The following RASSF5 variants were observed in gnomAD, a reference collection of about 807,000 sequenced individuals.
The protein encoded by RASSF5 is ras association domain-containing protein 5.
Under a neutral mutation model 40.5 loss-of-function variants are expected in RASSF5, and 25 were observed. That is an observed-to-expected ratio of 0.62 (90% CI 0.45 to 0.86). The LOEUF (loss-of-function observed/expected upper bound fraction) is 0.86. RASSF5 is among the 40% of genes least tolerant of loss of function. RASSF5 has a pLI of 0.00. For synonymous variants in RASSF5, 246 were observed against 252.4 expected, an observed-to-expected ratio of 0.97 and a Z score of 0.24; for missense variants, 521 against 572.8, an observed-to-expected ratio of 0.91 and a Z score of 0.92.
At chr1:206,580,232 G>A (rs1558521789) in intron 2 of RASSF5, among the ~76,000 whole-genome samples, 2 of 152,210 alleles carry the variant, frequency 1.3e-5, no homozygotes. Context: ...GCTTCTCACT[G>A]TATTCAAAAT....
chr1:206,576,721 G>A (rs978916248), intron 2 of RASSF5, among the ~76,000 whole-genome samples: 1 of 152,172 alleles, frequency 6.6e-6, no homozygotes, highest in Admixed American at 6.5e-5. Context: ...GTGGAACTAG[G>A]GCTAATAGTG....
rs567520842 is a variant in RASSF5, at chr1:206,527,132, C to T, written c.458-11040C>T. Among the ~76,000 whole-genome samples, 11 of 152,284 alleles carry T rather than the reference C, an allele frequency of 7.2e-5. 1 individual carries two copies. Among genetic ancestry groups the T allele is most frequent in the East Asian group, 3.9e-4 (2 of 5,186 alleles). On this transcript the variant is annotated intron_variant, in intron 1 of 5. Coordinates refer to ENST00000579436, the MANE Select transcript of RASSF5 (RefSeq NM_182663.4). ...GACTCCAGAGTCCAGATTCATTGCACGCCCCAGCACCCGATTGAGTGTTCC... is the reference window on the plus strand; with the variant it reads ...GACTCCAGAGTCCAGATTCATTGCATGCCCCAGCACCCGATTGAGTGTTCC...
intron 2 of RASSF5, among the ~76,000 whole-genome samples, chr1:206,576,978 A>ATTT (rs36057143): frequency 9.6e-5 from 14 of 145,312 alleles, no homozygotes; most frequent in African/African-American, 3.0e-4. Flanking sequence ...TAATTTTTGT[A>ATTT]TTTTTTTTTT....
Position 206,579,593 on chromosome 1 carries a change from ATTG to A in RASSF5, c.580-3671_580-3669del, listed in dbSNP as rs1276384938. On this transcript the variant is annotated intron_variant, in intron 2 of 5. Transcript: ENST00000579436. The surrounding 1 kb of genome is among the most constrained non-coding windows in gnomAD (Gnocchi z 4.2). ...TGGATGAAGACCCTTGAGGTCTGGA[ATTG>A]TTGTGAGGGGTCTGTCTATTTCAGT... Among the ~76,000 whole-genome samples, 2 of 152,306 alleles carry A rather than the reference ATTG, an allele frequency of 1.3e-5. No homozygotes were observed. Among genetic ancestry groups the A allele is most frequent in the South Asian group, 2.1e-4 (1 of 4,824 alleles).
intron 2 of RASSF5, among the ~76,000 whole-genome samples, chr1:206,547,764 A>G (rs1462907954): frequency 6.6e-6 from 1 of 152,130 alleles, no homozygotes; most frequent in Admixed American, 6.5e-5. Context: ...GCCCCTTACA[A>G]TATTGTTACT....
Position 206,525,433 on chromosome 1 carries a change from G to A in RASSF5, c.458-12739G>A, listed in dbSNP as rs547623779. Among the ~76,000 whole-genome samples, 11 of 152,210 alleles carry A rather than the reference G, an allele frequency of 7.2e-5. No homozygotes were observed. The South Asian group carries it at 8.3e-4, about 11-fold the overall frequency. ...GAATTTTTCTTATTTTTTAGAGATA[G>A]GGTCTTACTCTGTCCCCCAGGCTGG... On this transcript the variant is annotated intron_variant, in intron 1 of 5. Coordinates refer to ENST00000579436, the MANE Select transcript of RASSF5 (RefSeq NM_182663.4).
intron 1 of RASSF5, among the ~76,000 whole-genome samples, chr1:206,524,106 T>C (rs1667020646): frequency 7.5e-6 from 1 of 132,820 alleles, no homozygotes; most frequent in Non-Finnish European, 1.5e-5. Context: ...CCATATATAA[T>C]ATATTTTATA....
At chr1:206,520,814 G>T (rs1553395997) in intron 1 of RASSF5, among the ~76,000 whole-genome samples, 1 of 152,134 alleles carries the variant, frequency 6.6e-6, no homozygotes, top group African/African-American at 2.4e-5. Context: ...ACCATGTTTG[G>T]TGCATAGAAA....
rs782762921 is a variant in RASSF5 at position 206,538,206 on chromosome 1, C to G, written c.492C>G (p.Ser164Arg). The change falls in exon 2 of 6, where the codon AGC becomes AGG. Residue 164 changes from serine (S) to arginine (R), a missense_variant. This residue lies in a region of RASSF5 where 284 missense variants were observed against 360.8 expected (regional missense o/e 0.79). Transcript: ENST00000579436. ...TCACCTGTCACCCAGAATGCCGCAG[C>G]CTGATCCAGTTGGACTGCAGTCAGC... ...CKFTCHPECR[S>R]LIQLDCSQQE... The G allele has an allele frequency of 1.2e-6, 2 of 1,614,100 alleles. No individual in the cohort carries two copies. Among genetic ancestry groups the G allele is most frequent in the African/African-American group, 1.3e-5 (1 of 74,934 alleles).
chr1:206,570,239 G>A (rs1320301167), intron 2 of RASSF5, among the ~76,000 whole-genome samples: 3 of 151,780 alleles, frequency 2.0e-5, no homozygotes, highest in Admixed American at 2.0e-4. Context: ...CTACAGGCAT[G>A]GACCACCACG....
In RASSF5 at chr1:206,560,631, C is replaced by A. The variant is rs1553402452; in HGVS notation, c.579+22338C>A. 1.3e-5 allele frequency among the ~76,000 whole-genome samples: 2 copies of A among 152,198 alleles called. No individual in the cohort carries two copies. Among genetic ancestry groups the A allele is most frequent in the African/African-American group, 2.4e-5 (1 of 41,432 alleles). ...ACAATTAGATCGTGTTTCTCTGGGT[C>A]AGGCATGTCACAAATGGGGCCTGGG... On this transcript the variant is annotated intron_variant, in intron 2 of 5. Coordinates refer to ENST00000579436, the MANE Select transcript of RASSF5 (RefSeq NM_182663.4). The surrounding 1 kb of genome is among the most constrained non-coding windows in gnomAD (Gnocchi z 5.1).
chr1:206,536,655 G>A (rs1284544937), intron 1 of RASSF5, among the ~76,000 whole-genome samples: 1 of 152,160 alleles, frequency 6.6e-6, no homozygotes, highest in Non-Finnish European at 1.5e-5. Flanking sequence ...GACACCAAAT[G>A]TACTGAATTT....
rs1241824949 is a variant in RASSF5 at position 206,525,283 on chromosome 1, A to T, written c.458-12889A>T. Among the ~76,000 whole-genome samples, 3 of 152,154 alleles carry T rather than the reference A, an allele frequency of 2.0e-5. No individual in the cohort carries two copies. In the East Asian group the frequency reaches 5.8e-4, roughly 29 times the overall value. On this transcript the variant is annotated intron_variant, in intron 1 of 5. Coordinates refer to ENST00000579436, the MANE Select transcript of RASSF5 (RefSeq NM_182663.4). ...CCCTGCAGGCCAACCAGGGCGCCCA[A>T]CTTCTGCCAGGCAGGTTGGGTGTGT...
intron 2 of RASSF5, among the ~76,000 whole-genome samples, chr1:206,575,642 AG>A (rs2103558624): frequency 1.3e-5 from 2 of 152,338 alleles, no homozygotes; most frequent in South Asian, 2.1e-4. Flanking sequence ...GAAATAGAAG[AG>A]GAAGCAATGA....
chr1:206,523,718 T>C (rs1222393543), intron 1 of RASSF5, among the ~76,000 whole-genome samples: 7 of 53,512 alleles, frequency 1.3e-4, no homozygotes, highest in African/African-American at 5.4e-4. Context: ...TATTATACAA[T>C]ATATTTATAT....
At chr1:206,562,165 C>T (rs1415315301) in intron 2 of RASSF5, among the ~76,000 whole-genome samples, 1 of 152,124 alleles carries the variant, frequency 6.6e-6, no homozygotes, top group Non-Finnish European at 1.5e-5. Context: ...CCTGCCTGGC[C>T]AGTCAGCTCC....
intron 2 of RASSF5, among the ~76,000 whole-genome samples, chr1:206,561,669 T>C (rs931833497): frequency 1.1e-4 from 17 of 149,296 alleles, no homozygotes; most frequent in African/African-American, 1.7e-4. Flanking sequence ...TTTTCTTTTT[T>C]TTTTTTTTTT....
chr1:206,519,363 T>C (rs1030605315), intron 1 of RASSF5, among the ~76,000 whole-genome samples: 1 of 152,226 alleles, frequency 6.6e-6, no homozygotes. Flanking sequence ...GTCCACAGCA[T>C]CTTACACTTC....
intron 2 of RASSF5, chr1:206,557,285 C>T: frequency 8.4e-7 from 1 of 1,196,772 alleles, no homozygotes; most frequent in Non-Finnish European, 1.0e-6. Flanking sequence ...AGAGCCCGGA[C>T]GAGTCAGGGA....
Sources: allele counts gnomAD v4.1 joint callset (sites outside exome capture counted in the v4.1 genomes callset), GRCh38; gene constraint gnomAD v4.1.1; regional missense constraint gnomAD v4.1.1; non-coding constraint Gnocchi (gnomAD v3.1); transcripts MANE v1.5; gene names NCBI Gene and HGNC (gene_info 2026-07-23, HGNC 2026-07-21).